Variants in JAZF1 observed in about 807,000 individuals in gnomAD.
JAZF1 encodes the protein juxtaposed with another zinc finger protein 1.
JAZF1 carries 8 observed loss-of-function variants against 26.4 expected under a neutral mutation model. The observed-to-expected ratio is 0.30, with a 90% CI of 0.18 to 0.55. The LOEUF is 0.55. Ranked by LOEUF, JAZF1 falls within the 20% of genes least tolerant of loss-of-function variation. The pLI is 0.94. For missense variants in JAZF1, 199 were observed against 322.0 expected (o/e 0.62, Z 2.92); for synonymous variants, 126 against 122.3 (o/e 1.03, Z -0.20).
In JAZF1 at chr7:27,931,236, T is replaced by C. The variant is rs149970620; in HGVS notation, c.189-35820A>G. ...TCTTATGACAGTGTGAAAGCAACCA[T>C]AGACAATTCATACATAAATGAATAT... On this transcript the variant is annotated intron_variant, in intron 2 of 4. Transcript: ENST00000283928. 4.6e-5 allele frequency among the ~76,000 whole-genome samples: 7 copies of C among 152,338 alleles called. No individual in the cohort carries two copies. In the East Asian group the frequency reaches 5.8e-4, roughly 13 times the overall value.
chr7:27,923,567 CA>C (rs1784567372), intron 2 of JAZF1, among the ~76,000 whole-genome samples: 2 of 152,230 alleles, frequency 1.3e-5, no homozygotes, highest in Non-Finnish European at 2.9e-5. Flanking sequence ...CACTTCCCAG[CA>C]GATGTTGGGC....
chr7:28,170,956 A>G (rs1183971896), intron 1 of JAZF1, among the ~76,000 whole-genome samples: 4 of 152,220 alleles, frequency 2.6e-5, no homozygotes, highest in African/African-American at 9.6e-5. Context: ...AATGCATATT[A>G]AAGCAACTAG....
chr7:27,987,133 G>A (rs1785735437), intron 2 of JAZF1, among the ~76,000 whole-genome samples: 1 of 151,830 alleles, frequency 6.6e-6, no homozygotes, highest in Non-Finnish European at 1.5e-5. Context: ...GGGATGTGAG[G>A]AGCCCCTCTG....
intron 2 of JAZF1, among the ~76,000 whole-genome samples, chr7:27,932,093 G>C (rs1784696130): frequency 6.6e-6 from 1 of 152,152 alleles, no homozygotes; most frequent in Non-Finnish European, 1.5e-5. Flanking sequence ...TGGGGGACTG[G>C]AGAAATAAGC....
intron 1 of JAZF1, among the ~76,000 whole-genome samples, chr7:28,013,604 G>C (rs911414562): frequency 2.6e-5 from 4 of 152,052 alleles, no homozygotes; most frequent in Non-Finnish European, 4.4e-5. Flanking sequence ...CTAGAACCAC[G>C]GCACTGAAAT....
chr7:28,065,877 A>G (rs1363155740), intron 1 of JAZF1, among the ~76,000 whole-genome samples: 1 of 152,136 alleles, frequency 6.6e-6, no homozygotes, highest in Non-Finnish European at 1.5e-5. Context: ...AACAGTGCGC[A>G]TTTTAGACCT....
At chr7:27,990,504 T>C (rs1244780941) in intron 2 of JAZF1, among the ~76,000 whole-genome samples, 2 of 151,916 alleles carry the variant, frequency 1.3e-5, no homozygotes, top group Non-Finnish European at 2.9e-5. Context: ...TAAATACAAA[T>C]AATGAAGGTG....
intron 1 of JAZF1, among the ~76,000 whole-genome samples, chr7:28,087,069 C>A (rs1218579176): frequency 6.6e-6 from 1 of 152,090 alleles, no homozygotes; most frequent in African/African-American, 2.4e-5. Flanking sequence ...TATAAACAAT[C>A]AGTTTTATGA....
intron 1 of JAZF1, among the ~76,000 whole-genome samples, chr7:28,084,785 T>C (rs774477699): frequency 2.0e-5 from 3 of 152,190 alleles, no homozygotes; most frequent in Non-Finnish European, 2.9e-5. Flanking sequence ...GAAAGGATGT[T>C]TGTTGTCTGC....
rs561983357 is a variant in JAZF1 at position 27,993,853 on chromosome 7, G to A, written c.116-1872C>T. 2.8e-4 allele frequency among the ~76,000 whole-genome samples: 42 copies of A among 152,216 alleles called. 1 individual carries two copies. The highest frequency in any genetic ancestry group is 6.8e-3 in the Middle Eastern group (2 of 294). ...GATATCTGGTGCATGATTTAATAAG[G>A]TGTATTATTTTGAAAGAAAAGGGCA... On this transcript the variant is annotated intron_variant, in intron 1 of 4. Coordinates refer to ENST00000283928, the MANE Select transcript of JAZF1 (RefSeq NM_175061.4).
At chr7:28,179,556 G>A (rs1362309714) in intron 1 of JAZF1, among the ~76,000 whole-genome samples, 1 of 151,700 alleles carries the variant, frequency 6.6e-6, no homozygotes, top group Non-Finnish European at 1.5e-5. Flanking sequence ...GCCCGGCCAT[G>A]GGCCCTGGGG....
chr7:28,036,883 C>A (rs1313831338), intron 1 of JAZF1, among the ~76,000 whole-genome samples: 2 of 152,122 alleles, frequency 1.3e-5, no homozygotes, highest in Non-Finnish European at 2.9e-5. Context: ...AAGTGAATAA[C>A]CAGCAACCCT....
intron 3 of JAZF1, among the ~76,000 whole-genome samples, chr7:27,892,688 A>C (rs10258132): frequency 0.19 from 28,229 of 152,164 alleles, 3,938 homozygotes; most frequent in African/African-American, 0.4. Flanking sequence ...AAATGTTACA[A>C]AAAGATCCTG....
At chr7:27,885,982 A>G (rs1783854981) in intron 3 of JAZF1, among the ~76,000 whole-genome samples, 1 of 151,726 alleles carries the variant, frequency 6.6e-6, no homozygotes, top group Non-Finnish European at 1.5e-5. Flanking sequence ...AGAAGCCCTA[A>G]CTAACCTGAC....
chr7:28,177,672 T>C (rs1783568843), intron 1 of JAZF1, among the ~76,000 whole-genome samples: 1 of 152,200 alleles, frequency 6.6e-6, no homozygotes, highest in Non-Finnish European at 1.5e-5. Flanking sequence ...ATTCTTTTCA[T>C]GAATCTTTTT....
At chr7:28,012,107 A>C (rs1034179094) in intron 1 of JAZF1, among the ~76,000 whole-genome samples, 1 of 152,230 alleles carries the variant, frequency 6.6e-6, no homozygotes, top group African/African-American at 2.4e-5. Flanking sequence ...TGGATGCTGA[A>C]GCATTTTTCA....
chr7:28,122,719 C>T (rs1782624574), intron 1 of JAZF1, among the ~76,000 whole-genome samples: 1 of 152,092 alleles, frequency 6.6e-6, no homozygotes, highest in African/African-American at 2.4e-5. Context: ...ACCAACACCA[C>T]TCAAGCAGGG....
At chr7:28,096,635 TTATCTTCTTACTAC>T (rs1424386642) in intron 1 of JAZF1, among the ~76,000 whole-genome samples, 2 of 152,224 alleles carry the variant, frequency 1.3e-5, no homozygotes, top group African/African-American at 4.8e-5. Context: ...TCTGAACAAT[TTATCTTCTTACTAC>T]AAGATGGCCA....
At chr7:28,037,503 A>G (rs1214377297) in intron 1 of JAZF1, among the ~76,000 whole-genome samples, 3 of 152,188 alleles carry the variant, frequency 2.0e-5, no homozygotes, top group African/African-American at 7.2e-5. Flanking sequence ...GGAAGAGGTG[A>G]GTCATGAGAT....
Sources: gnomAD v4.1 joint callset for allele counts (sites outside exome capture counted in the v4.1 genomes callset) on GRCh38, gnomAD v4.1.1 for gene constraint, MANE v1.5 for transcripts, NCBI Gene and HGNC (gene_info 2026-07-23, HGNC 2026-07-21) for gene names.